Variants in MAP3K1 observed in about 807,000 individuals in gnomAD.
The protein encoded by MAP3K1 is mitogen-activated protein kinase kinase kinase 1.
A neutral mutation model predicts 144.2 loss-of-function variants in MAP3K1; 36 were observed. The ratio of observed to expected loss-of-function variants is 0.25; its 90% CI spans 0.19 to 0.33. The LOEUF is 0.33. MAP3K1 is among the 10% of genes least tolerant of loss of function. The pLI is 1.00. For synonymous variants in MAP3K1, 718 were observed against 688.7 expected (o/e 1.04, Z -0.67); for missense variants, 1,650 against 1,881.9 (o/e 0.88, Z 2.28).
At chr5:56,872,104 GTAACATGGCTT>G in intron 7 of MAP3K1, 73 bp downstream of exon 7, 1 of 1,584,848 alleles carries the variant, frequency 6.3e-7, no homozygotes, top group Non-Finnish European at 8.7e-7. Flanking sequence ...ATTTAAGAGT[GTAACATGGCTT>G]GAGGGGAAAT....
intron 1 of MAP3K1, among the ~76,000 whole-genome samples, chr5:56,850,954 T>A (rs1747151053): frequency 6.6e-6 from 1 of 152,208 alleles, no homozygotes; most frequent in South Asian, 2.1e-4. Context: ...TTTGTTTGTT[T>A]ATTTTTTTGG....
chr5:56,882,103 ACTC>A lies in MAP3K1; in HGVS notation c.2907_2909del (p.Ser970del). 1.2e-6 allele frequency: 2 copies of A among 1,612,156 alleles called. No homozygotes were observed. The highest frequency in any genetic ancestry group is 8.5e-7 in the Non-Finnish European group (1 of 1,179,524). The stretch of plus-strand genomic sequence containing the variant: ...GGCAGACCCCACAGTCAGTGTTTGA[ACTC>A]CTCTCCTTTATCTCATCATTCCCAA... On this transcript the variant is annotated inframe_deletion, in exon 14 of 20. Coordinates refer to ENST00000399503, the MANE Select transcript of MAP3K1 (RefSeq NM_005921.2).
chr5:56,856,803 A>G, intron 2 of MAP3K1, 53 bp downstream of exon 2: 3 of 1,576,800 alleles, frequency 1.9e-6, no homozygotes, highest in South Asian at 2.2e-5. Flanking sequence ...GAGGAAATGG[A>G]AAAGTAAGCA....
rs115818979 is a variant in MAP3K1 at position 56,883,567 on chromosome 5, C to T, written c.3707C>T (p.Pro1236Leu). ...TLPGHTKAKQPYREDTEWLKG... is the reference protein window; with the variant it reads ...TLPGHTKAKQLYREDTEWLKG... Reference sequence around the variant, plus strand: ...CCAGGACATACCAAAGCAAAACAACCGTATAGAGAAGACACTGAATGGCTG... The same window carrying T: ...CCAGGACATACCAAAGCAAAACAACTGTATAGAGAAGACACTGAATGGCTG... Residue 1236 changes from proline to leucine, a missense_variant, in exon 15 of 20, where the codon CCG becomes CTG. By Grantham distance (98) the Pro-to-Leu change is moderately conservative (BLOSUM62 -3). Around this residue, in one of 6 missense-constraint regions of MAP3K1, gnomAD observed 841 missense variants for 886.5 expected, o/e 0.95. Transcript: ENST00000399503. 1.4e-5 allele frequency: 23 copies of T among 1,614,010 alleles called. 1 individual carries two copies. In the South Asian group the frequency reaches 2.0e-4, roughly 14 times the overall value.
At chr5:56,887,618 TA>T in intron 18 of MAP3K1, 98 bp downstream of exon 18, 1 of 1,299,424 alleles carries the variant, frequency 7.7e-7, no homozygotes, top group East Asian at 2.3e-5. Flanking sequence ...AGTATGTACT[TA>T]CCAACTAGAA....
intron 2 of MAP3K1, among the ~76,000 whole-genome samples, chr5:56,858,988 G>C (rs1180312429): frequency 2.6e-5 from 4 of 151,236 alleles, no homozygotes; most frequent in African/African-American, 4.9e-5. Flanking sequence ...GTCCAGAAAG[G>C]TCTGCTGAGC....
intron 1 of MAP3K1, among the ~76,000 whole-genome samples, chr5:56,853,070 C>T (rs896411356): frequency 3.9e-5 from 6 of 152,114 alleles, no homozygotes; most frequent in African/African-American, 1.2e-4. Context: ...GTGATTTATT[C>T]GTGGCAAATA....
chr5:56,839,924 G>A (rs568143557), intron 1 of MAP3K1, among the ~76,000 whole-genome samples: 10 of 152,230 alleles, frequency 6.6e-5, no homozygotes, highest in African/African-American at 2.4e-4. Context: ...TTTCTTAAAT[G>A]TATGTTACAG....
intron 6 of MAP3K1, among the ~76,000 whole-genome samples, chr5:56,867,482 G>A (rs75770544): frequency 9.7e-4 from 147 of 152,228 alleles, no homozygotes; most frequent in African/African-American, 3.4e-3. Context: ...AATTGAAAAT[G>A]AAGGGCATAA....
At chr5:56,853,473 C>G (rs912867523) in intron 1 of MAP3K1, among the ~76,000 whole-genome samples, 35 of 152,102 alleles carry the variant, frequency 2.3e-4, no homozygotes, top group African/African-American at 8.2e-4. Flanking sequence ...TGATCATTCA[C>G]TTAATATATG....
At chr5:56,889,585 T>C (rs1188583440) in intron 19 of MAP3K1, among the ~76,000 whole-genome samples, 2 of 152,210 alleles carry the variant, frequency 1.3e-5, no homozygotes, top group African/African-American at 2.4e-5. Flanking sequence ...TAAGTAATGG[T>C]TGATATTCTT....
chr5:56,839,013 C>CT (rs1400481267), intron 1 of MAP3K1, among the ~76,000 whole-genome samples: 1 of 152,132 alleles, frequency 6.6e-6, no homozygotes, highest in East Asian at 1.9e-4. Flanking sequence ...TCTGGGGAGA[C>CT]TTCGTTTTCC....
At chr5:56,850,075 C>T (rs1481634637) in intron 1 of MAP3K1, among the ~76,000 whole-genome samples, 1 of 152,168 alleles carries the variant, frequency 6.6e-6, no homozygotes, top group Non-Finnish European at 1.5e-5. Flanking sequence ...TTATGCTCTC[C>T]CTATCCTCAG....
At chr5:56,885,828 G>T in intron 16 of MAP3K1, 104 bp from the exon 17 acceptor site, 1 of 898,734 alleles carries the variant, frequency 1.1e-6, no homozygotes, top group Non-Finnish European at 1.8e-6. Context: ...TTCTGTTTCA[G>T]ATGTGAATGT....
At chr5:56,888,158 A>G (rs764660496) in intron 18 of MAP3K1, 68 bp from the exon 19 acceptor site, 200 of 1,436,300 alleles carry the variant, frequency 1.4e-4, no homozygotes, top group East Asian at 8.4e-4. Context: ...AGTAGAATCT[A>G]TAACTACAAA....
chr5:56,833,278 A>G (rs1298177782), intron 1 of MAP3K1, among the ~76,000 whole-genome samples: 2 of 152,268 alleles, frequency 1.3e-5, no homozygotes, highest in Non-Finnish European at 2.9e-5. Context: ...ACGCGGCTTC[A>G]GGGAAAAATA....
chr5:56,883,749 T>A, intron 15 of MAP3K1, 70 bp downstream of exon 15: 3 of 1,494,496 alleles, frequency 2.0e-6, no homozygotes, highest in Non-Finnish European at 1.9e-6. Flanking sequence ...GTAAAAAGAA[T>A]AAAGGATATG....
intron 9 of MAP3K1, 63 bp downstream of exon 9, chr5:56,873,068 C>A: frequency 7.0e-7 from 1 of 1,433,942 alleles, no homozygotes; most frequent in Non-Finnish European, 9.7e-7. Flanking sequence ...ATGTATTTGT[C>A]TCCTTCCCTC....
rs1232947039 is a variant in MAP3K1 at position 56,872,993 on chromosome 5, G to A, written c.1674G>A (p.Glu558=). Residue 558 remains glutamate, a synonymous_variant, in exon 9 of 20, where the codon GAG becomes GAA. Coordinates refer to ENST00000399503, the MANE Select transcript of MAP3K1 (RefSeq NM_005921.2). ...QIPPAYKDLA[E]PWIQVFGMEL... ...CTCCTGCTTACAAAGATTTAGCTGAGCCATGGATTCAGGTAAGTAGTTCTT... is the reference window on the plus strand; with the variant it reads ...CTCCTGCTTACAAAGATTTAGCTGAACCATGGATTCAGGTAAGTAGTTCTT... The A allele has an allele frequency of 1.2e-6, 2 of 1,613,686 alleles. No homozygotes were observed. Among genetic ancestry groups the A allele is most frequent in the Non-Finnish European group, 1.7e-6 (2 of 1,179,836 alleles).
Sources: allele counts gnomAD v4.1 joint callset (sites outside exome capture counted in the v4.1 genomes callset), GRCh38; gene constraint gnomAD v4.1.1; regional missense constraint gnomAD v4.1.1; transcripts MANE v1.5; gene names NCBI Gene and HGNC (gene_info 2026-07-23, HGNC 2026-07-21).